Variants in PAPSS1 observed in about 807,000 individuals in gnomAD.
PAPSS1 encodes 3'-phosphoadenosine 5'-phosphosulfate synthase 1.
A neutral mutation model predicts 72.0 loss-of-function variants in PAPSS1; 50 were observed. The ratio of observed to expected loss-of-function variants is 0.69; its 90% CI spans 0.55 to 0.88. The LOEUF is 0.88. Ranked by LOEUF, PAPSS1 falls within the 40% of genes least tolerant of loss-of-function variation. The pLI, the probability that PAPSS1 is intolerant of heterozygous loss-of-function variation, is 0.00. For synonymous variants in PAPSS1, 261 were observed against 263.6 expected (o/e 0.99, Z 0.09); for missense variants, 657 against 782.2 (o/e 0.84, Z 1.91).
intron 2 of PAPSS1, among the ~76,000 whole-genome samples, chr4:107,694,696 T>C (rs1578427676): frequency 6.6e-6 from 1 of 152,342 alleles, no homozygotes; most frequent in East Asian, 1.9e-4. Flanking sequence ...ACAAACCACC[T>C]TGATACAATT....
intron 9 of PAPSS1, among the ~76,000 whole-genome samples, chr4:107,646,995 G>C (rs79929280): frequency 0.034 from 5,123 of 152,152 alleles, 272 homozygotes; most frequent in African/African-American, 0.12. Flanking sequence ...CTCTTCACAA[G>C]ATCTGTCTTC....
intron 5 of PAPSS1, among the ~76,000 whole-genome samples, chr4:107,662,012 C>T (rs889754138): frequency 1.3e-5 from 2 of 152,122 alleles, no homozygotes; most frequent in Admixed American, 6.6e-5. Context: ...CAAAATCAGG[C>T]TCCTCCTACT....
At chr4:107,635,764 T>C (rs1006109425) in intron 10 of PAPSS1, among the ~76,000 whole-genome samples, 1 of 152,220 alleles carries the variant, frequency 6.6e-6, no homozygotes, top group East Asian at 1.9e-4. Flanking sequence ...AAGAATAATC[T>C]ACATGCTGGG....
Position 107,652,029 on chromosome 4 carries a change from G to A in PAPSS1, c.1237+1462C>T, listed in dbSNP as rs1726853233. ...GCATTCTGGAGTTCACCGACACTAA[G>A]ACAAACACAAATGAAATGCCTGCTC... On this transcript the variant is annotated intron_variant, in intron 9 of 11. Coordinates refer to ENST00000265174, the MANE Select transcript of PAPSS1 (RefSeq NM_005443.5). 2.6e-5 allele frequency among the ~76,000 whole-genome samples: 4 copies of A among 152,242 alleles called. No homozygotes were observed. In the South Asian group the frequency reaches 8.3e-4, roughly 32 times the overall value.
chr4:107,710,705 G>A (rs971341649), intron 1 of PAPSS1, among the ~76,000 whole-genome samples: 7 of 152,116 alleles, frequency 4.6e-5, no homozygotes, highest in South Asian at 2.1e-4. Context: ...CCAGCTCTCC[G>A]TTCAGGGTCA....
chr4:107,683,941 C>T (rs1406637686), intron 4 of PAPSS1, among the ~76,000 whole-genome samples: 1 of 147,936 alleles, frequency 6.8e-6, no homozygotes, highest in South Asian at 2.2e-4. Flanking sequence ...CCATGGCAAA[C>T]CTAAGTATCA....
chr4:107,683,977 A>ACAC (rs1553921233), intron 4 of PAPSS1, among the ~76,000 whole-genome samples: 217 of 126,540 alleles, frequency 1.7e-3, no homozygotes, highest in African/African-American at 5.2e-3. Flanking sequence ...CACACACACA[A>ACAC]ACACACATTA....
chr4:107,667,841 C>T (rs770130962), intron 5 of PAPSS1, among the ~76,000 whole-genome samples: 1 of 152,196 alleles, frequency 6.6e-6, no homozygotes, highest in African/African-American at 2.4e-5. Context: ...ATTGCACTTA[C>T]ATAGAACAAG....
intron 4 of PAPSS1, 22 bp downstream of exon 4, chr4:107,687,017 C>T: frequency 1.9e-6 from 3 of 1,588,590 alleles, no homozygotes; most frequent in Non-Finnish European, 2.6e-6. Context: ...CAAAGTGAAA[C>T]TGGGAAGAAA....
chr4:107,645,953 CTG>C (rs954386595), intron 9 of PAPSS1, among the ~76,000 whole-genome samples: 1 of 152,198 alleles, frequency 6.6e-6, no homozygotes, highest in Non-Finnish European at 1.5e-5. Context: ...CACAGGAAGA[CTG>C]TGGCATCCTA....
chr4:107,632,477 A>G (rs967009077), intron 10 of PAPSS1, among the ~76,000 whole-genome samples: 2 of 152,016 alleles, frequency 1.3e-5, no homozygotes, highest in African/African-American at 2.4e-5. Flanking sequence ...TAACTAATAT[A>G]TAACTAATCT....
chr4:107,685,513 G>A (rs1446499691), intron 4 of PAPSS1, among the ~76,000 whole-genome samples: 1 of 152,216 alleles, frequency 6.6e-6, no homozygotes, highest in Admixed American at 6.5e-5. Context: ...ACTGGCCATT[G>A]AGAGAGTAAT....
intron 10 of PAPSS1, among the ~76,000 whole-genome samples, chr4:107,644,286 A>T (rs1049635404): frequency 1.3e-5 from 2 of 152,202 alleles, no homozygotes; most frequent in African/African-American, 4.8e-5. Flanking sequence ...AACCTAGCAG[A>T]TCTTCCCCTG....
At chr4:107,682,159 T>C (rs1379578942) in intron 4 of PAPSS1, 26 bp from the exon 5 acceptor site, 2 of 1,113,292 alleles carry the variant, frequency 1.8e-6, no homozygotes, top group Admixed American at 2.0e-5. Context: ...GATAATAGAG[T>C]AGGGTGGAAA....
intron 2 of PAPSS1, among the ~76,000 whole-genome samples, chr4:107,696,681 G>A (rs796938257): frequency 5.9e-5 from 9 of 151,988 alleles, no homozygotes; most frequent in East Asian, 1.9e-4. Flanking sequence ...GCAAACCACC[G>A]TGCCACAAGC....
At chr4:107,683,742 G>C (rs1472093556) in intron 4 of PAPSS1, among the ~76,000 whole-genome samples, 1 of 152,124 alleles carries the variant, frequency 6.6e-6, no homozygotes, top group Non-Finnish European at 1.5e-5. Context: ...AGGATATACT[G>C]ACTGTCCGAT....
At chr4:107,652,858 G>A (rs192987515) in intron 9 of PAPSS1, among the ~76,000 whole-genome samples, 15 of 152,078 alleles carry the variant, frequency 9.9e-5, no homozygotes, top group African/African-American at 1.7e-4. Context: ...ATTTCTATGC[G>A]CAGTGTTGTT....
At chr4:107,635,022 T>C (rs548194482) in intron 10 of PAPSS1, among the ~76,000 whole-genome samples, 3 of 152,218 alleles carry the variant, frequency 2.0e-5, no homozygotes, top group African/African-American at 7.2e-5. Flanking sequence ...ATGGTCTCGA[T>C]CTCCTGACCT....
intron 2 of PAPSS1, among the ~76,000 whole-genome samples, chr4:107,698,744 C>A (rs1723135732): frequency 6.6e-6 from 1 of 152,126 alleles, no homozygotes; most frequent in Non-Finnish European, 1.5e-5. Flanking sequence ...ATAGGGAGGG[C>A]CCCACAACAT....
Sources: allele counts gnomAD v4.1 joint callset (sites outside exome capture counted in the v4.1 genomes callset), GRCh38; gene constraint gnomAD v4.1.1; transcripts MANE v1.5; gene names NCBI Gene and HGNC (gene_info 2026-07-23, HGNC 2026-07-21).